The following GDE1 variants were observed in gnomAD, a reference collection of about 807,000 sequenced individuals.
GDE1 encodes glycerophosphodiester phosphodiesterase 1, also known as RGS16-interacting membrane protein.
A neutral mutation model predicts 32.2 loss-of-function variants in GDE1; 24 were observed. The ratio of observed to expected loss-of-function variants is 0.75; its 90% confidence interval spans 0.54 to 1.05. The LOEUF is 1.05. Ranked by LOEUF, GDE1 falls within the 50% of genes least tolerant of loss-of-function variation. The pLI is 0.00. For missense variants in GDE1, 380 were observed against 415.0 expected, an observed-to-expected ratio of 0.92 and a Z score of 0.73; for synonymous variants, 159 against 158.6, an observed-to-expected ratio of 1.00 and a Z score of -0.02.
intron 1 of GDE1, chr16:19,521,359 C>A (rs1969450779): frequency 4.0e-6 from 1 of 249,120 alleles, no homozygotes; most frequent in South Asian, 1.4e-4. Flanking sequence ...GCACCTTTCA[C>A]TCTCTTAAAG....
chr16:19,516,687 A>G (rs574946463), intron 2 of GDE1, among the ~76,000 whole-genome samples: 3 of 152,344 alleles, frequency 2.0e-5, no homozygotes, highest in Admixed American at 6.5e-5. Flanking sequence ...TGTTACTTGA[A>G]GCTTTTAATG....
At position 19,521,661 on chromosome 16, in the gene GDE1, G is replaced by T. The variant is rs770056731; in HGVS notation, c.261+43C>A. On this transcript the variant is annotated intron_variant, in intron 1 of 5. Coordinates refer to ENST00000353258, the MANE Select transcript of GDE1 (RefSeq NM_016641.4). ...CCCTGGGAAGGAAAAGTAGAAGTCC[G>T]AGCTCTCGGGAGGACCGAGGGGCGC... 1.9e-6 allele frequency: 3 copies of T among 1,593,942 alleles called. No homozygotes were observed. The African/African-American group carries it at 4.0e-5, about 21-fold the overall frequency.
chr16:19,503,830 C>T lies in GDE1; in HGVS notation c.849-213G>A, dbSNP rs1969210531. ...CCCAGCTTAAAACATTTCAGTAGCTCACTAATGATCGCCACCCCCAAATGT... is the reference window on the plus strand; with the variant it reads ...CCCAGCTTAAAACATTTCAGTAGCTTACTAATGATCGCCACCCCCAAATGT... On this transcript the variant is annotated intron_variant, in intron 5 of 5. Coordinates refer to ENST00000353258, the MANE Select transcript of GDE1 (RefSeq NM_016641.4). The T allele has an allele frequency of 1.1e-5, 5 of 454,014 alleles. No homozygotes were observed. In the South Asian group the frequency reaches 2.5e-4, roughly 22 times the overall value. 28.1% of individuals were successfully genotyped at this position (454,014 alleles called of 1,614,324 possible).
In GDE1 at chr16:19,519,991, G is replaced by A. The variant is rs112539895; in HGVS notation, c.261+1713C>T. ...CGCCCCACTGCACTCAAACCTGGGT[G>A]ACAGAGAGAGACCCTGTCTCAAAAA... On this transcript the variant is annotated intron_variant, in intron 1 of 5. Coordinates refer to ENST00000353258, the MANE Select transcript of GDE1 (RefSeq NM_016641.4). 9.2e-3 allele frequency among the ~76,000 whole-genome samples: 1,376 copies of A among 148,954 alleles called. 18 individuals carry two copies. Among genetic ancestry groups the A allele is most frequent in the African/African-American group, 0.033 (1,309 of 39,394 alleles).
intron 2 of GDE1, among the ~76,000 whole-genome samples, chr16:19,514,758 C>G (rs1348247045): frequency 6.6e-6 from 1 of 152,054 alleles, no homozygotes; most frequent in African/African-American, 2.4e-5. Flanking sequence ...ACTGTAAGAT[C>G]ATGCTTTTAA....
chr16:19,521,877 TG>T lies in GDE1; in HGVS notation c.87del (p.Asn30MetfsTer81). 6.2e-7 allele frequency: 1 copy of T among 1,604,838 alleles called. No individual in the cohort carries two copies. The highest frequency in any genetic ancestry group is 8.5e-7 in the Non-Finnish European group (1 of 1,176,692). ...AGGCTGCCGGTGAGGAGGCAGGCAT[TG>T]ACCGGGCTCCGCGTCACCAGCAGCA... ...LVLLLVTRSP[V>X]NACLLTGSLF... is the part of the protein sequence containing the mutation. On this transcript the variant is annotated frameshift_variant, in exon 1 of 6. Coordinates refer to ENST00000353258, the MANE Select transcript of GDE1 (RefSeq NM_016641.4). LOFTEE classifies it high-confidence loss of function.
intron 1 of GDE1, among the ~76,000 whole-genome samples, chr16:19,519,225 G>T (rs1339294562): frequency 6.6e-6 from 1 of 152,054 alleles, no homozygotes; most frequent in East Asian, 1.9e-4. Flanking sequence ...TTCCCCCAGG[G>T]TATAGGGTGG....
In GDE1 at chr16:19,521,878, G is replaced by C. The variant is rs759137540; in HGVS notation, c.87C>G (p.Val29=). 2 of 1,604,592 alleles carry C rather than the reference G, an allele frequency of 1.2e-6. No homozygotes were observed. The highest frequency in any genetic ancestry group is 1.1e-5 in the South Asian group (1 of 89,380). ...GGCTGCCGGTGAGGAGGCAGGCATT[G>C]ACCGGGCTCCGCGTCACCAGCAGCA... ...LVLLLVTRSP[V]NACLLTGSLF... Residue 29 remains valine, a synonymous_variant, in exon 1 of 6, where the codon GTC becomes GTG. Coordinates refer to ENST00000353258, the MANE Select transcript of GDE1 (RefSeq NM_016641.4).
intron 3 of GDE1, among the ~76,000 whole-genome samples, chr16:19,509,667 T>G (rs1367778608): frequency 2.0e-5 from 3 of 151,818 alleles, no homozygotes; most frequent in African/African-American, 7.3e-5. Context: ...TCAGGTTTTT[T>G]TTTTTTTTTT....
intron 1 of GDE1, 153 bp downstream of exon 1, chr16:19,521,551 T>C: frequency 1.3e-6 from 1 of 774,462 alleles, no homozygotes; most frequent in South Asian, 1.8e-5. Context: ...CGGAGATCCC[T>C]AGACACTGGG....
At chr16:19,519,738 A>C (rs182538100) in intron 1 of GDE1, among the ~76,000 whole-genome samples, 257 of 152,166 alleles carry the variant, frequency 1.7e-3, no homozygotes, top group Non-Finnish European at 2.9e-3. Context: ...TGATCCCAGC[A>C]CTTTGCCTGT....
chr16:19,507,788 TAAAG>T lies in GDE1; in HGVS notation c.544-13_544-10del, dbSNP rs769584036. The T allele has an allele frequency of 4.0e-6, 5 of 1,248,032 alleles. No individual in the cohort carries two copies. Among genetic ancestry groups the T allele is most frequent in the East Asian group, 4.6e-5 (2 of 43,158 alleles). The allele number at this position is 1,248,032 out of a possible 1,614,324, so 77.3% of individuals were successfully genotyped here. On this transcript the variant is annotated splice_polypyrimidine_tract_variant and intron_variant, in intron 3 of 5. Coordinates refer to ENST00000353258, the MANE Select transcript of GDE1 (RefSeq NM_016641.4). ...TTTAGAGCCTCAGTAGCCTGTAAAA[TAAAG>T]AGATTCATATATTTAAAATTGATTA...
intron 4 of GDE1, among the ~76,000 whole-genome samples, chr16:19,506,215 T>C (rs1165229309): frequency 6.8e-6 from 1 of 146,878 alleles, no homozygotes; most frequent in African/African-American, 2.4e-5. Context: ...AGCCATATCA[T>C]GGCATAATCA....
chr16:19,507,835 C>T (rs1253422451), intron 3 of GDE1, 56 bp from the exon 4 acceptor site: 2 of 808,504 alleles, frequency 2.5e-6, no homozygotes, highest in Non-Finnish European at 4.2e-6. Context: ...ATAGATAGCC[C>T]CAGCCAATAA....
intron 1 of GDE1, among the ~76,000 whole-genome samples, chr16:19,519,354 C>T (rs867910073): frequency 6.6e-6 from 1 of 151,656 alleles, no homozygotes; most frequent in Non-Finnish European, 1.5e-5. Flanking sequence ...AGGCCTGCTC[C>T]TAAGGCCTAG....
chr16:19,504,799 T>C lies in GDE1; in HGVS notation c.848+82A>G, dbSNP rs140559686. 5.2e-5 allele frequency: 45 copies of C among 870,594 alleles called. No homozygotes were observed. In the East Asian group the frequency reaches 1.1e-3, roughly 21 times the overall value. The allele number at this position is 870,594 out of a possible 1,614,324, so 53.9% of individuals were successfully genotyped here. ...CTTTGCAGGTCAGAACCAATTCAGG[T>C]TGTCTACTCTGTTAATCCTTCCTTT... On this transcript the variant is annotated intron_variant, in intron 5 of 5. Transcript: ENST00000353258.
At position 19,521,840 on chromosome 16, in the gene GDE1, A is replaced by C; in HGVS notation, c.125T>G (p.Leu42Arg). Residue 42 changes from leucine to arginine, a missense_variant, in exon 1 of 6, where the codon CTG becomes CGG. Transcript: ENST00000353258. ...CACCGGCTCAAAGCTGAAGACGCGC[A>C]GTAGAACGAAGAGGCTGCCGGTGAG... ...CLLTGSLFVL[L>R]RVFSFEPVPS... 1 of 1,610,112 alleles carries C rather than the reference A, an allele frequency of 6.2e-7. No homozygotes were observed. The highest frequency in any genetic ancestry group is 1.3e-5 in the African/African-American group (1 of 75,040).
chr16:19,521,075 A>G (rs1307726740), intron 1 of GDE1: 1 of 152,360 alleles, frequency 6.6e-6, no homozygotes, highest in Non-Finnish European at 1.5e-5. Flanking sequence ...ACTAACCTCA[A>G]TTACTGACCA....
At chr16:19,510,326 G>A (rs1408100145) in intron 3 of GDE1, among the ~76,000 whole-genome samples, 1 of 152,066 alleles carries the variant, frequency 6.6e-6, no homozygotes, top group Non-Finnish European at 1.5e-5. Context: ...ATACATAAGG[G>A]ATATAAATTA....
Sources: allele counts gnomAD v4.1 joint callset (sites outside exome capture counted in the v4.1 genomes callset), GRCh38; gene constraint gnomAD v4.1.1; transcripts MANE v1.5; gene names NCBI Gene and HGNC (gene_info 2026-07-23, HGNC 2026-07-21).